Variants in RANBP2 observed in about 807,000 individuals in gnomAD.
The protein encoded by RANBP2 is E3 SUMO-protein ligase RanBP2.
A neutral mutation model predicts 303.6 loss-of-function variants in RANBP2; 57 were observed. The observed-to-expected ratio is 0.19, with a 90% CI of 0.15 to 0.23. The LOEUF is 0.23. Ranked by LOEUF, RANBP2 falls within the 10% of genes least tolerant of loss-of-function variation. The pLI, the probability that RANBP2 is intolerant of heterozygous loss-of-function variation, is 1.00. For missense variants in RANBP2, 3,138 were observed against 3,780.8 expected, an observed-to-expected ratio of 0.83 and a Z score of 4.46; for synonymous variants, 1,167 against 1,301.5, an observed-to-expected ratio of 0.90 and a Z score of 2.23.
chr2:109,536,592 C>T, the RANBP2 span, among the ~76,000 whole-genome samples: 1 of 152,156 alleles, frequency 6.6e-6, no homozygotes, highest in Non-Finnish European at 1.5e-5. Context: ...AGACTTCAGA[C>T]TGTGGACTTT....
chr2:108,906,269 G>A, the RANBP2 span: 1 of 1,608,520 alleles, frequency 6.2e-7, no homozygotes, highest in South Asian at 1.1e-5. Flanking sequence ...ATGTCGGTGG[G>A]GTGGGCACCA....
At chr2:108,752,527 C>T (rs1465719184) in intron 12 of RANBP2, among the ~76,000 whole-genome samples, 9 of 149,494 alleles carry the variant, frequency 6.0e-5, no homozygotes, top group East Asian at 3.9e-4. Context: ...AATCCCAGCA[C>T]GTTAGGAGGC....
chr2:109,371,305 G>C, the RANBP2 span, among the ~76,000 whole-genome samples: 1 of 152,198 alleles, frequency 6.6e-6, no homozygotes. Flanking sequence ...CAGGAGAATC[G>C]CTTGAACCCC....
Position 108,751,368 on chromosome 2 carries a change from C to T in RANBP2, c.1378C>T (p.Leu460Phe). ...LPGIRKWLKQLFHHLPHETSR... is the reference protein window; with the variant it reads ...LPGIRKWLKQFFHHLPHETSR... ...TGGAATCCGAAAATGGCTAAAACAG[C>T]TTTTCCATCATTTGCCCCATGAAAC... The change falls in exon 10 of 29, where the codon CTT becomes TTT. Residue 460 changes from leucine to phenylalanine, a missense_variant. By Grantham distance (22) the Leu-to-Phe change is conservative. Coordinates refer to ENST00000283195, the MANE Select transcript of RANBP2 (RefSeq NM_006267.5). The T allele has an allele frequency of 1.9e-6, 3 of 1,612,006 alleles. No individual in the cohort carries two copies. Among genetic ancestry groups the T allele is most frequent in the Non-Finnish European group, 2.5e-6 (3 of 1,179,846 alleles).
At chr2:109,528,664 C>T in the RANBP2 span, among the ~76,000 whole-genome samples, 8 of 152,264 alleles carry the variant, frequency 5.3e-5, no homozygotes, top group African/African-American at 1.7e-4. Flanking sequence ...GCAGCAGGGC[C>T]GTGGGGCAGG....
At chr2:109,321,022 G>T in the RANBP2 span, among the ~76,000 whole-genome samples, 1 of 152,154 alleles carries the variant, frequency 6.6e-6, no homozygotes, top group Non-Finnish European at 1.5e-5. Flanking sequence ...TGTTCCATGG[G>T]AGCTCAAAAA....
chr2:108,747,087 T>C (rs1314120184), intron 8 of RANBP2, among the ~76,000 whole-genome samples: 1 of 152,204 alleles, frequency 6.6e-6, no homozygotes, highest in African/African-American at 2.4e-5. Context: ...CTGAACTAAG[T>C]ATAATTATTG....
chr2:109,351,872 C>G, the RANBP2 span, among the ~76,000 whole-genome samples: 2 of 152,234 alleles, frequency 1.3e-5, no homozygotes, highest in African/African-American at 4.8e-5. Context: ...ATGTGACCTT[C>G]TTATGCTGCT....
At chr2:109,365,331 T>A in the RANBP2 span, among the ~76,000 whole-genome samples, 1 of 152,296 alleles carries the variant, frequency 6.6e-6, no homozygotes, top group East Asian at 1.9e-4. Context: ...ACACTGAACC[T>A]CCAGCACACA....
At chr2:109,674,654 G>T in the RANBP2 span, among the ~76,000 whole-genome samples, 31 of 152,102 alleles carry the variant, frequency 2.0e-4, no homozygotes, top group Admixed American at 7.2e-4. Context: ...TAAGGAAAGG[G>T]TTTATGAAAA....
At chr2:109,379,749 A>G in the RANBP2 span, among the ~76,000 whole-genome samples, 1 of 152,154 alleles carries the variant, frequency 6.6e-6, no homozygotes, top group Admixed American at 6.5e-5. Flanking sequence ...CTGTGCCTCC[A>G]GGAACACTTT....
At chr2:109,130,128 C>T in the RANBP2 span, 18 of 1,287,298 alleles carry the variant, frequency 1.4e-5, no homozygotes, top group South Asian at 2.2e-4. Flanking sequence ...GTATCTGTCT[C>T]GGCGGAAGTG....
At chr2:108,897,323 GA>G in the RANBP2 span, 61 of 1,274,634 alleles carry the variant, frequency 4.8e-5, no homozygotes, top group East Asian at 1.5e-4. Context: ...AAAATTATTT[GA>G]AAAAAATTTT....
the RANBP2 span, among the ~76,000 whole-genome samples, chr2:109,540,241 C>T: frequency 1.3e-5 from 2 of 152,084 alleles, no homozygotes; most frequent in South Asian, 2.1e-4. Flanking sequence ...AGGCATTCCC[C>T]GGGTGCACTG....
chr2:109,587,240 C>G, the RANBP2 span, among the ~76,000 whole-genome samples: 1 of 152,004 alleles, frequency 6.6e-6, no homozygotes, highest in Non-Finnish European at 1.5e-5. Context: ...AATGCAACAT[C>G]TGAAGTAAAA....
chr2:109,351,711 G>A, the RANBP2 span, among the ~76,000 whole-genome samples: 35 of 152,280 alleles, frequency 2.3e-4, no homozygotes, highest in East Asian at 7.7e-4. Flanking sequence ...TGACTGCAGC[G>A]GGGCCCCCAG....
At chr2:109,346,929 G>A in the RANBP2 span, among the ~76,000 whole-genome samples, 13 of 152,278 alleles carry the variant, frequency 8.5e-5, no homozygotes, top group Admixed American at 2.6e-4. Flanking sequence ...TCATGGTGGG[G>A]GGGTCTGTGA....
chr2:109,663,940 A>G, the RANBP2 span, among the ~76,000 whole-genome samples: 1 of 152,192 alleles, frequency 6.6e-6, no homozygotes, highest in Admixed American at 6.5e-5. Flanking sequence ...ACAGTAGCCA[A>G]CTACAGCACA....
the RANBP2 span, chr2:109,449,308 C>T: frequency 1.9e-6 from 3 of 1,608,150 alleles, no homozygotes; most frequent in African/African-American, 2.7e-5. Flanking sequence ...AGCCACCAGC[C>T]CCCGGTGCAG....
Sources: gnomAD v4.1 joint callset for allele counts (sites outside exome capture counted in the v4.1 genomes callset) on GRCh38, gnomAD v4.1.1 for gene constraint, MANE v1.5 for transcripts, NCBI Gene and HGNC (gene_info 2026-07-23, HGNC 2026-07-21) for gene names.